CCDC88B: variants seen among roughly 807,000 people sequenced by gnomAD.
The protein encoded by CCDC88B is coiled-coil domain-containing protein 88B.
In CCDC88B, 138 loss-of-function variants were observed where a neutral mutation model predicts 183.7. The ratio of observed to expected loss-of-function variants is 0.75; its 90% CI spans 0.65 to 0.87. The LOEUF (loss-of-function observed/expected upper bound fraction) is 0.87, where lower values mean the gene tolerates loss of function less well. Among genes scored for constraint, CCDC88B ranks in the 40% least tolerant of loss-of-function variants. CCDC88B has a pLI of 0.00. For missense variants in CCDC88B, 1,822 were observed against 1,965.6 expected, an observed-to-expected ratio of 0.93 and a Z score of 1.38; for synonymous variants, 835 against 867.5, an observed-to-expected ratio of 0.96 and a Z score of 0.66.
In CCDC88B at chr11:64,342,094, AGCTG is replaced by A. The variant is rs760236924; in HGVS notation, c.779_782del (p.Leu260ProfsTer22). 2 of 1,611,080 alleles carry A rather than the reference AGCTG, an allele frequency of 1.2e-6. No individual in the cohort carries two copies. Among genetic ancestry groups the A allele is most frequent in the South Asian group, 2.2e-5 (2 of 90,800 alleles). The stretch of plus-strand genomic sequence containing the variant: ...GGCCCCTCGCACCATCTGGCCCTGC[AGCTG>A]GCCAACGCCAAGGCTCAGCTGCGGC... On this transcript the variant is annotated frameshift_variant, in exon 8 of 27. Coordinates refer to ENST00000356786, the MANE Select transcript of CCDC88B (RefSeq NM_032251.6). LOFTEE classifies it high-confidence loss of function.
intron 22 of CCDC88B, 42 bp from the exon 23 acceptor site, chr11:64,353,673 C>T: frequency 6.2e-7 from 1 of 1,609,230 alleles, no homozygotes; most frequent in Non-Finnish European, 8.5e-7. Flanking sequence ...GCCTCGGCCT[C>T]CCTGGGCCTC....
chr11:64,354,123 G>A lies in CCDC88B; in HGVS notation c.4052G>A (p.Gly1351Asp), dbSNP rs1482816727. The change falls in exon 24 of 27, where the codon GGC (glycine) becomes GAC (aspartate). Residue 1351 changes from glycine to aspartate, a missense_variant. Gly to Asp is a moderately conservative substitution (Grantham distance 94). Transcript: ENST00000356786. ...GCTGGCAGCACCGAGAGCCTGGGGG[G>A]CCCCCCGGAGACGGAGCTTCCTGAG... The part of the protein sequence containing the change: ...DGAGSTESLG[G>D]PPETELPEGR... 5 of 1,374,428 alleles carry A rather than the reference G, an allele frequency of 3.6e-6. No individual in the cohort carries two copies. Among genetic ancestry groups the A allele is most frequent in the Non-Finnish European group, 4.7e-6 (5 of 1,057,600 alleles). The allele number at this position is 1,374,428 out of a possible 1,614,324, so 85.1% of individuals were successfully genotyped here.
At chr11:64,342,706 C>A in intron 10 of CCDC88B, 26 bp downstream of exon 10, 2 of 1,444,848 alleles carry the variant, frequency 1.4e-6, no homozygotes, top group South Asian at 1.4e-5. Flanking sequence ...AGCCGCGGGG[C>A]GGGGCGTGCG....
At chr11:64,355,011 T>C in intron 24 of CCDC88B, among the ~76,000 whole-genome samples, 183 bp from the exon 25 acceptor site, 1 of 86,634 alleles carries the variant, frequency 1.2e-5, no homozygotes, top group African/African-American at 5.0e-5. Context: ...TCTCCGTGCA[T>C]GAGCCTCAGC....
rs771815225 is a variant in CCDC88B, at chr11:64,355,380, C to T, written c.4286C>T (p.Ala1429Val). The stretch of plus-strand genomic sequence containing the variant: ...CAGCGCCATCCAGGCCCCCTGGGGG[C>T]GCCCGTCTCCCACAGCAAAGGTGAG... ...FRQRHPGPLGAPVSHSKGPGV... is the reference protein window; with the variant it reads ...FRQRHPGPLGVPVSHSKGPGV... Residue 1429 changes from alanine (A) to valine (V), a missense_variant, in exon 25 of 27, where the codon GCG becomes GTG. Coordinates refer to ENST00000356786, the MANE Select transcript of CCDC88B (RefSeq NM_032251.6). 49 of 1,589,020 alleles carry T rather than the reference C, an allele frequency of 3.1e-5. No individual in the cohort carries two copies. The highest frequency in any genetic ancestry group is 1.2e-4 in the Admixed American group (7 of 56,450).
chr11:64,351,763 A>T, intron 18 of CCDC88B, 147 bp downstream of exon 18: 4 of 1,126,232 alleles, frequency 3.6e-6, no homozygotes, highest in Non-Finnish European at 4.9e-6. Context: ...CTCTGACCCC[A>T]GCCACCATTT....
Position 64,343,247 on chromosome 11 carries a change from C to T in CCDC88B, c.1131C>T (p.Ala377=), listed in dbSNP as rs1565396122. The change falls in exon 11 of 27, where the codon GCC becomes GCT. Residue 377 remains alanine, a synonymous_variant. Coordinates refer to ENST00000356786, the MANE Select transcript of CCDC88B (RefSeq NM_032251.6). ...KALLEEQLEA[A]RERCARLHET... ...TGCTGGAAGAGCAGCTGGAGGCTGC[C>T]CGAGAGCGCTGCGCCCGGCTGCACG... 1 of 1,547,944 alleles carries T rather than the reference C, an allele frequency of 6.5e-7. No individual in the cohort carries two copies. The highest frequency in any genetic ancestry group is 1.4e-5 in the African/African-American group (1 of 72,998).
At chr11:64,342,268 C>A in intron 8 of CCDC88B, 26 bp from the exon 9 acceptor site, 1 of 1,574,266 alleles carries the variant, frequency 6.4e-7, no homozygotes. Flanking sequence ...GCCCCCAGAC[C>A]CTCCCTAGAC....
At chr11:64,346,738 C>A (rs1186216723) in intron 14 of CCDC88B, among the ~76,000 whole-genome samples, 2 of 151,554 alleles carry the variant, frequency 1.3e-5, no homozygotes, top group Non-Finnish European at 2.9e-5. Flanking sequence ...CCGCGCCCGG[C>A]CAATTTTTGT....
intron 14 of CCDC88B, chr11:64,349,058 G>C (rs774231874): frequency 4.2e-6 from 3 of 717,054 alleles, no homozygotes; most frequent in South Asian, 1.5e-5. Flanking sequence ...GAGAGGTGAC[G>C]GCACTTGCCC....
intron 15 of CCDC88B, 33 bp downstream of exon 15, chr11:64,349,491 G>C: frequency 6.3e-7 from 1 of 1,593,806 alleles, no homozygotes; most frequent in African/African-American, 1.3e-5. Context: ...GAATGAGGGA[G>C]GCAGGGGTGT....
Position 64,353,115 on chromosome 11 carries a change from G to C in CCDC88B, c.3562G>C (p.Glu1188Gln). Residue 1188 changes from glutamate (E) to glutamine (Q), a missense_variant, in exon 21 of 27, where the codon GAG becomes CAG. Physicochemically the swap from Glu to Gln is conservative, Grantham distance 29 (BLOSUM62 2). Transcript: ENST00000356786. Reference sequence around the variant, plus strand: ...GGGTGAGCTGCAGGGTGAACGCGGGGAGCTACGGGGCCGGCTGGCGCGGCT... The same window carrying C: ...GGGTGAGCTGCAGGGTGAACGCGGGCAGCTACGGGGCCGGCTGGCGCGGCT... ...ERGELQGERG[E>Q]LRGRLARLEL... 6.2e-7 allele frequency: 1 copy of C among 1,607,012 alleles called. No homozygotes were observed. The highest frequency in any genetic ancestry group is 8.5e-7 in the Non-Finnish European group (1 of 1,177,586).
At chr11:64,351,413 CTGTGG>C in intron 17 of CCDC88B, 58 bp from the exon 18 acceptor site, 1 of 1,545,712 alleles carries the variant, frequency 6.5e-7, no homozygotes, top group Non-Finnish European at 8.7e-7. Context: ...GAGTGTGGGC[CTGTGG>C]TAGGCACTAG....
chr11:64,351,997 C>G (rs2036351454), intron 18 of CCDC88B, 133 bp from the exon 19 acceptor site: 1 of 1,301,280 alleles, frequency 7.7e-7, no homozygotes, highest in East Asian at 2.4e-5. Flanking sequence ...CTGCTGTGCC[C>G]CCAGCCCTTT....
At position 64,344,404 on chromosome 11, in the gene CCDC88B, A is replaced by T. The variant is rs1372020966; in HGVS notation, c.1863A>T (p.Gly621=). ...AAATTCAGGCCCCGCAGTTGCTGGG[A>T]GGAGAGACAGAGGGAAGAGAGGCTC... ...GTKIQAPQLL[G]GETEGREAPQ... is the part of the protein sequence containing the mutation. The change falls in exon 14 of 27, where the codon GGA becomes GGT. Residue 621 remains glycine (G), a synonymous_variant. Transcript: ENST00000356786. This position sits in a 1 kb window ranked among gnomAD's most constrained non-coding sequence, Gnocchi z 4.5. The T allele has an allele frequency of 6.3e-7, 1 of 1,587,798 alleles. No individual in the cohort carries two copies. The highest frequency in any genetic ancestry group is 8.6e-7 in the Non-Finnish European group (1 of 1,167,662).
intron 2 of CCDC88B, 68 bp downstream of exon 2, chr11:64,340,820 C>A (rs2135302235): frequency 1.3e-6 from 2 of 1,548,462 alleles, no homozygotes; most frequent in South Asian, 1.2e-5. Context: ...GTGGGCGGAG[C>A]CTGATGCTCA....
Position 64,342,602 on chromosome 11 carries a change from C to T in CCDC88B, c.984C>T (p.Arg328=). The stretch of plus-strand genomic sequence containing the variant: ...AGGCGCTGCGGGAGCGGGCCGGCCG[C>T]CTGCCCCGCCTGCAGGAGGAGCTGA... The part of the protein sequence containing the change: ...EAEALRERAG[R]LPRLQEELRR... The change falls in exon 10 of 27, where the codon CGC becomes CGT. Residue 328 remains arginine, a synonymous_variant. Transcript: ENST00000356786. 1 of 1,530,530 alleles carries T rather than the reference C, an allele frequency of 6.5e-7. No homozygotes were observed. Among genetic ancestry groups the T allele is most frequent in the Non-Finnish European group, 8.7e-7 (1 of 1,144,902 alleles). The allele number at this position is 1,530,530 out of a possible 1,614,324, so 94.8% of individuals were successfully genotyped here. A position where few individuals can be genotyped will look rare whatever the true frequency, so the allele number is the denominator to read the frequency against.
intron 13 of CCDC88B, 41 bp from the exon 14 acceptor site, chr11:64,343,956 G>A (rs200170432): frequency 6.4e-7 from 1 of 1,568,558 alleles, no homozygotes; most frequent in Non-Finnish European, 8.7e-7. Context: ...CCTTCCCCTA[G>A]TCCCTCCCTG....
Position 64,357,134 on chromosome 11 carries a change from G to T in CCDC88B, c.*40G>T, listed in dbSNP as rs747446376. 1 of 1,611,638 alleles carries T rather than the reference G, an allele frequency of 6.2e-7. No homozygotes were observed. The highest frequency in any genetic ancestry group is 1.1e-5 in the South Asian group (1 of 91,036). On this transcript the variant is annotated 3_prime_UTR_variant, in exon 27 of 27. Transcript: ENST00000356786. ...CAGGCTTGGGAGTGCAGCCTTCTCG[G>T]CACTGGAGTGTCAGCGGAGGCCCCA... is the stretch of plus-strand genomic sequence containing the variant.
Sources: gnomAD v4.1 joint callset for allele counts (sites outside exome capture counted in the v4.1 genomes callset) on GRCh38, gnomAD v4.1.1 for gene constraint, Gnocchi (gnomAD v3.1) non-coding constraint, MANE v1.5 for transcripts, NCBI Gene and HGNC (gene_info 2026-07-23, HGNC 2026-07-21) for gene names.